Variants in LYST observed in about 807,000 individuals in gnomAD.
LYST encodes lysosomal-trafficking regulator.
LYST carries 192 observed loss-of-function variants against 413.6 expected under a neutral mutation model. The observed-to-expected ratio is 0.46, with a 90% confidence interval of 0.41 to 0.52. The LOEUF (loss-of-function observed/expected upper bound fraction) is 0.52, where lower values mean the gene tolerates loss of function less well. LYST is among the 20% of genes least tolerant of loss of function. The pLI is 0.00. For synonymous variants in LYST, 1,525 were observed against 1,567.3 expected (o/e 0.97, Z 0.64); for missense variants, 3,815 against 4,499.9 (o/e 0.85, Z 4.35).
At chr1:235,827,134 C>T (rs995262928) in intron 3 of LYST, among the ~76,000 whole-genome samples, 5 of 151,860 alleles carry the variant, frequency 3.3e-5, no homozygotes, top group African/African-American at 9.7e-5. Flanking sequence ...GAGGCCATGG[C>T]GGGCAGATCA....
chr1:235,731,202 G>A (rs1221665635), intron 34 of LYST, 25 bp from the exon 35 acceptor site: 12 of 1,611,504 alleles, frequency 7.4e-6, no homozygotes, highest in Non-Finnish European at 9.3e-6. Context: ...ATTAAAGGGT[G>A]TTTTAAGTGA....
intron 2 of LYST, 31 bp from the exon 3 acceptor site, chr1:235,830,455 T>C (rs749186542): frequency 1.0e-5 from 15 of 1,465,548 alleles, no homozygotes; most frequent in East Asian, 2.4e-5. Context: ...AAAAAAAAGA[T>C]TAGGAAAACA....
At position 235,806,499 on chromosome 1, in the gene LYST, T is replaced by C; in HGVS notation, c.2637A>G (p.Lys879=). The C allele has an allele frequency of 6.2e-7, 1 of 1,614,096 alleles. No homozygotes were observed. The highest frequency in any genetic ancestry group is 1.3e-5 in the African/African-American group (1 of 75,030). Residue 879 remains lysine (K), a synonymous_variant, in exon 6 of 53, where the codon AAA becomes AAG. Coordinates refer to ENST00000389793, the MANE Select transcript of LYST (RefSeq NM_000081.4). ...TCTTCCGTCTCTTTGGATAAGCTTC[T>C]TTGAGGCCAGCATAAAATTTGCTGA... The part of the protein sequence containing the change: ...QSLSKFYAGL[K]EAYPKRRKTV...
intron 1 of LYST, among the ~76,000 whole-genome samples, chr1:235,841,375 TAAGA>T (rs1198654297): frequency 6.6e-6 from 1 of 152,154 alleles, no homozygotes; most frequent in Non-Finnish European, 1.5e-5. Context: ...TTTTAGGCTA[TAAGA>T]AATAAGAGGT....
intron 3 of LYST, among the ~76,000 whole-genome samples, chr1:235,816,536 C>A (rs374986979): frequency 6.7e-6 from 1 of 149,820 alleles, no homozygotes; most frequent in East Asian, 1.9e-4. Context: ...CTACCAATGA[C>A]ATTCTTCAAA....
intron 28 of LYST, among the ~76,000 whole-genome samples, chr1:235,748,340 C>T (rs145890993): frequency 1.3e-5 from 2 of 151,928 alleles, no homozygotes; most frequent in Admixed American, 6.6e-5. Flanking sequence ...TAAAAAAATA[C>T]ATTTAAAAGT....
At chr1:235,793,293 T>C (rs573334040) in intron 11 of LYST, among the ~76,000 whole-genome samples, 157 of 152,322 alleles carry the variant, frequency 1.0e-3, no homozygotes, top group Middle Eastern at 3.4e-3. Context: ...CTCAGCGATA[T>C]GTCTGGTTAA....
chr1:235,674,445 C>T lies in LYST; in HGVS notation c.11038+2646G>A, dbSNP rs1659213817. ...TGTCCCCCTCGGGTCTTTTGATCGT[C>T]ACATATATATAAATGCTATCAAAGT... On this transcript the variant is annotated intron_variant, in intron 50 of 52. Coordinates refer to ENST00000389793, the MANE Select transcript of LYST (RefSeq NM_000081.4). The surrounding 1 kb of genome is among the most constrained non-coding windows in gnomAD (Gnocchi z 4.1). 2.0e-5 allele frequency among the ~76,000 whole-genome samples: 3 copies of T among 151,094 alleles called. No homozygotes were observed. The highest frequency in any genetic ancestry group is 2.0e-4 in the Admixed American group (3 of 15,168).
At chr1:235,782,175 GAA>G in intron 14 of LYST, 88 bp from the exon 15 acceptor site, 1 of 1,159,650 alleles carries the variant, frequency 8.6e-7, no homozygotes. Flanking sequence ...TAACAATGGG[GAA>G]TTCTTTTTTT....
chr1:235,757,440 C>T lies in LYST; in HGVS notation c.6900G>A (p.Leu2300=), dbSNP rs10926586. Residue 2300 remains leucine, a synonymous_variant, in exon 24 of 53, where the codon TTG becomes TTA. Transcript: ENST00000389793. ...CATATAATCCACAGCATATAGGTACCAAACAGTCTTCAGTTACACTAAAAC... is the reference window on the plus strand; with the variant it reads ...CATATAATCCACAGCATATAGGTACTAAACAGTCTTCAGTTACACTAAAAC... ...ASAHSVTEDC[L]VPICCGLYEL... is the part of the protein sequence containing the mutation. The T allele has an allele frequency of 5.1e-3, 8,290 of 1,613,178 alleles. 337 individuals carry two copies. In the African/African-American group the frequency reaches 0.094, roughly 18 times the overall value.
intron 44 of LYST, among the ~76,000 whole-genome samples, chr1:235,706,518 G>A (rs1382539138): frequency 3.3e-5 from 5 of 152,270 alleles, no homozygotes; most frequent in African/African-American, 4.8e-5. Context: ...ATTTCCACGT[G>A]AAGCCTCCCG....
chr1:235,694,041 G>T (rs1253992223), intron 46 of LYST, among the ~76,000 whole-genome samples: 1 of 140,744 alleles, frequency 7.1e-6, no homozygotes, highest in South Asian at 2.2e-4. Flanking sequence ...ACAGAGTCTC[G>T]CTCTGTCACC....
intron 1 of LYST, among the ~76,000 whole-genome samples, chr1:235,840,847 T>C (rs1336375993): frequency 6.6e-6 from 1 of 152,232 alleles, no homozygotes; most frequent in Admixed American, 6.5e-5. Context: ...ATAATATAAT[T>C]TTATTAAATA....
At position 235,805,871 on chromosome 1, in the gene LYST, T is replaced by C; in HGVS notation, c.3265A>G (p.Lys1089Glu). The change falls in exon 6 of 53, where the codon AAG (lysine) becomes GAG (glutamate). Residue 1089 changes from lysine (K) to glutamate (E), a missense_variant. Physicochemically the swap from Lys to Glu is moderately conservative, Grantham distance 56 (BLOSUM62 1). This residue lies in a region of LYST where 1,648 missense variants were observed against 1,810.3 expected (regional missense o/e 0.91). Transcript: ENST00000389793. ...SATEAAPEEA[K>E]LFTSQESETS... ...TCACTTTCTTGACTTGTAAATAGCTTTGCTTCCTCGGGAGCGGCTTCAGTA... is the reference window on the plus strand; with the variant it reads ...TCACTTTCTTGACTTGTAAATAGCTCTGCTTCCTCGGGAGCGGCTTCAGTA... The C allele has an allele frequency of 6.2e-7, 1 of 1,613,830 alleles. No individual in the cohort carries two copies. Among genetic ancestry groups the C allele is most frequent in the South Asian group, 1.1e-5 (1 of 91,078 alleles).
chr1:235,712,957 T>C (rs1266274743), intron 42 of LYST: 17 of 985,388 alleles, frequency 1.7e-5, no homozygotes, highest in Non-Finnish European at 2.0e-5. Flanking sequence ...AGTAGCAGTT[T>C]ACATGTTTCT....
chr1:235,773,736 C>T (rs962338874), intron 19 of LYST, 106 bp downstream of exon 19: 12 of 843,870 alleles, frequency 1.4e-5, no homozygotes, highest in Middle Eastern at 3.2e-4. Flanking sequence ...ACTGTAAATG[C>T]ACTTAATGCC....
intron 46 of LYST, among the ~76,000 whole-genome samples, chr1:235,695,624 C>A (rs1242359769): frequency 2.3e-5 from 3 of 128,602 alleles, no homozygotes; most frequent in Admixed American, 9.9e-5. Flanking sequence ...CTTTACAGTA[C>A]TCTAATTTTT....
chr1:235,692,691 C>T (rs1329947796), intron 47 of LYST, among the ~76,000 whole-genome samples: 3 of 151,902 alleles, frequency 2.0e-5, no homozygotes, highest in Admixed American at 2.0e-4. Flanking sequence ...GCCAGTCTGA[C>T]TCATTTTTAT....
chr1:235,766,010 G>A, intron 21 of LYST, 69 bp downstream of exon 21: 1 of 1,165,942 alleles, frequency 8.6e-7, no homozygotes, highest in Non-Finnish European at 1.3e-6. Context: ...TCAAACAAAT[G>A]TGAATCAAGT....
Sources: allele counts gnomAD v4.1 joint callset (sites outside exome capture counted in the v4.1 genomes callset), GRCh38; gene constraint gnomAD v4.1.1; regional missense constraint gnomAD v4.1.1; non-coding constraint Gnocchi (gnomAD v3.1); transcripts MANE v1.5; gene names NCBI Gene and HGNC (gene_info 2026-07-23, HGNC 2026-07-21).